LGR6: variants seen among roughly 807,000 people sequenced by gnomAD.
The protein encoded by LGR6 is leucine-rich repeat-containing G protein-coupled receptor 6.
A neutral mutation model predicts 69.4 loss-of-function variants in LGR6; 45 were observed. The observed-to-expected ratio is 0.65, with a 90% CI of 0.51 to 0.83. LGR6 has a LOEUF of 0.83. Ranked by LOEUF, LGR6 falls within the 40% of genes least tolerant of loss-of-function variation. The pLI is 0.00. For synonymous variants in LGR6, 538 were observed against 555.0 expected, an observed-to-expected ratio of 0.97 and a Z score of 0.43; for missense variants, 1,108 against 1,246.7, an observed-to-expected ratio of 0.89 and a Z score of 1.68.
chr1:202,230,622 G>A (rs1032193074), intron 3 of LGR6, among the ~76,000 whole-genome samples: 7 of 152,212 alleles, frequency 4.6e-5, no homozygotes, highest in Admixed American at 4.6e-4. Context: ...TTGACCCGTG[G>A]ACTAAGGGTG....
intron 4 of LGR6, among the ~76,000 whole-genome samples, chr1:202,251,514 G>A (rs1663241719): frequency 6.6e-6 from 1 of 152,180 alleles, no homozygotes; most frequent in Admixed American, 6.5e-5. Flanking sequence ...GGGCAGGAGA[G>A]GGAAGAAGAG....
chr1:202,252,132 TC>T (rs1663311956), intron 4 of LGR6, among the ~76,000 whole-genome samples: 1 of 151,962 alleles, frequency 6.6e-6, no homozygotes, highest in Non-Finnish European at 1.5e-5. Context: ...GGGCAAATCT[TC>T]CCCTAAATTA....
chr1:202,281,150 A>G (rs932424035), intron 6 of LGR6: 11 of 365,306 alleles, frequency 3.0e-5, no homozygotes, highest in Non-Finnish European at 5.0e-5. Flanking sequence ...AATTCTGGAC[A>G]GAAATGGGAA....
At chr1:202,270,086 G>A (rs1285089127) in intron 4 of LGR6, among the ~76,000 whole-genome samples, 2 of 152,094 alleles carry the variant, frequency 1.3e-5, no homozygotes, top group Non-Finnish European at 2.9e-5. Flanking sequence ...TCTGTGGGCT[G>A]TAAGGGCCCC....
intron 6 of LGR6, among the ~76,000 whole-genome samples, chr1:202,296,218 G>T (rs1667152359): frequency 6.6e-6 from 1 of 151,996 alleles, no homozygotes; most frequent in Non-Finnish European, 1.5e-5. Flanking sequence ...GGCTAGGGAG[G>T]GATGCTGTAA....
At chr1:202,260,333 C>G (rs148354304) in intron 4 of LGR6, among the ~76,000 whole-genome samples, 2,687 of 152,066 alleles carry the variant, frequency 0.018, 38 homozygotes, top group Non-Finnish European at 0.028. Context: ...GCCACCGCTC[C>G]TGGACTATTT....
intron 4 of LGR6, among the ~76,000 whole-genome samples, chr1:202,274,446 T>C (rs924331316): frequency 2.0e-5 from 3 of 152,176 alleles, no homozygotes; most frequent in African/African-American, 7.2e-5. Context: ...AGCTGAGCAC[T>C]AACCACAGCA....
chr1:202,279,415 A>T (rs1217343708), intron 5 of LGR6, among the ~76,000 whole-genome samples: 1 of 152,096 alleles, frequency 6.6e-6, no homozygotes, highest in Non-Finnish European at 1.5e-5. Context: ...TTGCCTTTAT[A>T]TTTGAACAAC....
Position 202,297,153 on chromosome 1 carries a change from C to T in LGR6, c.717-355C>T, listed in dbSNP as rs967298612. 5.9e-5 allele frequency among the ~76,000 whole-genome samples: 9 copies of T among 152,262 alleles called. 1 individual carries two copies. The highest frequency in any genetic ancestry group is 2.9e-5 in the Non-Finnish European group (2 of 68,014). The stretch of plus-strand genomic sequence containing the variant: ...CCTAGTGCTGGTTATAAGATGTTAA[C>T]GATCACCCACTTCCCCCCTTCCTCC... On this transcript the variant is annotated intron_variant, in intron 6 of 17. Coordinates refer to ENST00000367278, the MANE Select transcript of LGR6 (RefSeq NM_001017403.2).
intron 5 of LGR6, among the ~76,000 whole-genome samples, chr1:202,276,983 C>T (rs1665612611): frequency 6.6e-6 from 1 of 152,128 alleles, no homozygotes; most frequent in Non-Finnish European, 1.5e-5. Context: ...TATAATTAGA[C>T]AGCAAAGCCC....
In LGR6 at chr1:202,268,217, C is replaced by G. The variant is rs1377326362; in HGVS notation, c.429-8089C>G. On this transcript the variant is annotated intron_variant, in intron 4 of 17. Transcript: ENST00000367278. The surrounding 1 kb of genome is among the most constrained non-coding windows in gnomAD (Gnocchi z 4.4). ...ACAACCCCATTGGAGCCCCGTGGCC[C>G]TCCGTGCAGAAGCTGGCACCTGGCA... 6.6e-6 allele frequency among the ~76,000 whole-genome samples: 1 copy of G among 152,216 alleles called. No individual in the cohort carries two copies. The highest frequency in any genetic ancestry group is 1.5e-5 in the Non-Finnish European group (1 of 68,030).
intron 1 of LGR6, among the ~76,000 whole-genome samples, chr1:202,211,961 T>C (rs1176775658): frequency 1.3e-5 from 2 of 152,210 alleles, no homozygotes; most frequent in African/African-American, 4.8e-5. Flanking sequence ...TTCCTCACCA[T>C]GTTTGAGGAT....
At chr1:202,256,451 C>G (rs1158204503) in intron 4 of LGR6, among the ~76,000 whole-genome samples, 1 of 152,128 alleles carries the variant, frequency 6.6e-6, no homozygotes, top group East Asian at 1.9e-4. Flanking sequence ...CCATGTTGGC[C>G]AGGCTGGTCT....
chr1:202,241,169 T>G (rs1662170366), intron 4 of LGR6, among the ~76,000 whole-genome samples: 1 of 152,216 alleles, frequency 6.6e-6, no homozygotes, highest in Admixed American at 6.5e-5. Flanking sequence ...TGGAAATGTC[T>G]TTCCTGTTGG....
At chr1:202,235,768 C>T (rs1386745946) in intron 3 of LGR6, among the ~76,000 whole-genome samples, 154 bp from the exon 4 acceptor site, 1 of 152,128 alleles carries the variant, frequency 6.6e-6, no homozygotes, top group African/African-American at 2.4e-5. Context: ...ACTAACAAAG[C>T]AGGGGAGCTG....
At chr1:202,196,161 A>T (rs1403172928) in intron 1 of LGR6, among the ~76,000 whole-genome samples, 3 of 152,070 alleles carry the variant, frequency 2.0e-5, no homozygotes, top group Non-Finnish European at 1.5e-5. Context: ...GGAATTTAGC[A>T]GTGGGGTCTG....
intron 6 of LGR6, among the ~76,000 whole-genome samples, chr1:202,295,870 AGT>A (rs10522809): frequency 0.21 from 30,556 of 143,418 alleles, 3,698 homozygotes; most frequent in African/African-American, 0.35. Flanking sequence ...TTGGGTAATT[AGT>A]GTGTGTGTGT....
rs114253664 is a variant in LGR6, at chr1:202,274,759, G to C, written c.429-1547G>C. Among the ~76,000 whole-genome samples the C allele has an allele frequency of 7.2e-3, 1,102 of 152,326 alleles. 12 individuals are homozygous for C. Among genetic ancestry groups the C allele is most frequent in the African/African-American group, 0.026 (1,064 of 41,564 alleles). On this transcript the variant is annotated intron_variant, in intron 4 of 17. Transcript: ENST00000367278. ...GGTTCAGCCACAGACCATCAAGGGT[G>C]TGACGGCCACCACTGGAGAACCATG...
intron 4 of LGR6, among the ~76,000 whole-genome samples, chr1:202,254,885 A>C (rs1015751161): frequency 7.0e-6 from 1 of 142,664 alleles, no homozygotes; most frequent in African/African-American, 2.5e-5. Flanking sequence ...ACAATAGTTG[A>C]GACTCTGTCT....
Sources: allele counts gnomAD v4.1 joint callset (sites outside exome capture counted in the v4.1 genomes callset), GRCh38; gene constraint gnomAD v4.1.1; non-coding constraint Gnocchi (gnomAD v3.1); transcripts MANE v1.5; gene names NCBI Gene and HGNC (gene_info 2026-07-23, HGNC 2026-07-21).